The following NAALAD2 variants were observed in gnomAD, a reference collection of about 807,000 sequenced individuals.
NAALAD2 encodes N-acetylated alpha-linked acidic dipeptidase 2, also known as N-acetylated-alpha-linked acidic dipeptidase 2.
A neutral mutation model predicts 95.6 loss-of-function variants in NAALAD2; 89 were observed. The ratio of observed to expected loss-of-function variants is 0.93; its 90% CI spans 0.78 to 1.11. NAALAD2 has a LOEUF of 1.11. Among genes scored for constraint, NAALAD2 ranks in the 50% least tolerant of loss-of-function variants. The pLI is 0.00. For missense variants in NAALAD2, 894 were observed against 872.4 expected (o/e 1.02, Z -0.31); for synonymous variants, 264 against 294.4 (o/e 0.90, Z 1.06).
chr11:90,135,076 A>T (rs1329022854), intron 1 of NAALAD2: 4 of 513,150 alleles, frequency 7.8e-6, no homozygotes, highest in Non-Finnish European at 1.4e-5. Context: ...CACTGAGTTC[A>T]CTAAAGACAA....
intron 2 of NAALAD2, among the ~76,000 whole-genome samples, chr11:90,142,954 T>C (rs959166594): frequency 2.2e-4 from 34 of 152,182 alleles, no homozygotes; most frequent in African/African-American, 7.7e-4. Context: ...ACTGTGTCAC[T>C]TAATACAAAA....
chr11:90,183,111 ACACTCT>A, intron 18 of NAALAD2, 103 bp downstream of exon 18: 1 of 746,328 alleles, frequency 1.3e-6, no homozygotes, highest in African/African-American at 1.7e-5. Flanking sequence ...GCAAATATGT[ACACTCT>A]AGGGAATTTG....
At position 90,135,544 on chromosome 11, in the gene NAALAD2, ATT is replaced by A. The variant is rs748213571; in HGVS notation, c.83-8_83-7del. The A allele has an allele frequency of 6.3e-7, 1 of 1,574,892 alleles. No homozygotes were observed. Among genetic ancestry groups the A allele is most frequent in the South Asian group, 1.1e-5 (1 of 88,166 alleles). On this transcript the variant is annotated splice_polypyrimidine_tract_variant and intron_variant, in intron 1 of 18. Transcript: ENST00000534061. ...TGTGTGTATGTGTGCATGTTTGTGTATTTTTTTTCCTTAGGCTGGTTTATTAA... is the reference window on the plus strand; with the variant it reads ...TGTGTGTATGTGTGCATGTTTGTGTATTTTTTCCTTAGGCTGGTTTATTAA...
intron 18 of NAALAD2, among the ~76,000 whole-genome samples, chr11:90,190,698 TAA>T (rs1360417251): frequency 6.6e-6 from 1 of 152,144 alleles, no homozygotes; most frequent in African/African-American, 2.4e-5. Context: ...GAGGCCATAT[TAA>T]GATTTAAAAG....
chr11:90,189,769 CAAA>C (rs35142682), intron 18 of NAALAD2, among the ~76,000 whole-genome samples: 2 of 140,672 alleles, frequency 1.4e-5, no homozygotes, highest in African/African-American at 5.3e-5. Context: ...GACTCTATCT[CAAA>C]AAAAAAAAAG....
At chr11:90,133,891 A>T (rs1221602455), upstream of NAALAD2, among the ~76,000 whole-genome samples, 1 of 152,066 alleles carries the variant, frequency 6.6e-6, no homozygotes, top group Non-Finnish European at 1.5e-5. Flanking sequence ...AGATAAGGGA[A>T]CTTTAGAGAA....
chr11:90,135,825 A>G (rs371689632), intron 2 of NAALAD2, among the ~76,000 whole-genome samples, 155 bp downstream of exon 2: 1 of 150,566 alleles, frequency 6.6e-6, no homozygotes, highest in East Asian at 1.9e-4. Context: ...GTCTCTTTAC[A>G]CCAGTCTTGG....
upstream of NAALAD2, chr11:90,132,053 T>C (rs1716764608): frequency 6.6e-6 from 1 of 152,578 alleles, no homozygotes; most frequent in South Asian, 2.1e-4. Context: ...AGCAGCCTTC[T>C]GTTACAAACT....
intron 15 of NAALAD2, 97 bp from the exon 16 acceptor site, chr11:90,177,756 T>G: frequency 4.0e-6 from 5 of 1,255,986 alleles, no homozygotes; most frequent in Middle Eastern, 2.9e-4. Context: ...ACTGGCTGGT[T>G]GTTATTTTTT....
intron 15 of NAALAD2, among the ~76,000 whole-genome samples, chr11:90,177,408 AC>A (rs1358832034): frequency 6.6e-6 from 1 of 151,632 alleles, no homozygotes; most frequent in African/African-American, 2.4e-5. Context: ...TATCGAAGAT[AC>A]AAGGAGAAAA....
upstream of NAALAD2, chr11:90,134,587 G>A (rs1285699236): frequency 5.0e-6 from 3 of 597,222 alleles, no homozygotes; most frequent in Admixed American, 3.0e-5. Context: ...TTCCCCCATC[G>A]AGGGCCCCTG....
intron 18 of NAALAD2, among the ~76,000 whole-genome samples, chr11:90,187,661 A>C (rs1222385913): frequency 6.6e-6 from 1 of 152,208 alleles, no homozygotes; most frequent in Non-Finnish European, 1.5e-5. Context: ...ATCAGGTTAA[A>C]AATGATCTTG....
chr11:90,144,707 A>G (rs991603822), intron 2 of NAALAD2, among the ~76,000 whole-genome samples: 1 of 144,260 alleles, frequency 6.9e-6, no homozygotes, highest in African/African-American at 2.7e-5. Context: ...GTACCACTGC[A>G]CTCCAGCCTG....
chr11:90,144,354 G>A (rs557553528), intron 2 of NAALAD2, among the ~76,000 whole-genome samples: 5 of 152,222 alleles, frequency 3.3e-5, no homozygotes, highest in Non-Finnish European at 7.4e-5. Flanking sequence ...GAGTAAGAAG[G>A]CCTCCTAGCT....
chr11:90,168,640 ATC>A (rs1374520586), intron 11 of NAALAD2, among the ~76,000 whole-genome samples: 1 of 152,174 alleles, frequency 6.6e-6, no homozygotes, highest in East Asian at 1.9e-4. Flanking sequence ...GATGCAGGGA[ATC>A]AAGGAACCAC....
intron 5 of NAALAD2, 26 bp downstream of exon 5, chr11:90,150,633 G>A (rs1801242653): frequency 6.4e-7 from 1 of 1,553,694 alleles, no homozygotes; most frequent in South Asian, 1.2e-5. Context: ...TTTTTCTACA[G>A]AGAATGAGAG....
At chr11:90,183,410 T>TG (rs1857027581) in intron 18 of NAALAD2, among the ~76,000 whole-genome samples, 1 of 152,212 alleles carries the variant, frequency 6.6e-6, no homozygotes, top group Non-Finnish European at 1.5e-5. Context: ...TTTCACTTTA[T>TG]GAAAGGTCTA....
intron 16 of NAALAD2, among the ~76,000 whole-genome samples, chr11:90,180,055 A>G (rs1952914532): frequency 6.8e-6 from 1 of 146,926 alleles, no homozygotes; most frequent in African/African-American, 2.5e-5. Flanking sequence ...TGTAGGAATG[A>G]AGGTATAATT....
chr11:90,164,055 A>G (rs1319901858), intron 11 of NAALAD2: 2 of 223,954 alleles, frequency 8.9e-6, no homozygotes, highest in African/African-American at 4.5e-5. Flanking sequence ...TATATTGACT[A>G]TATTTTCACA....
Sources: gnomAD v4.1 joint callset for allele counts (sites outside exome capture counted in the v4.1 genomes callset) on GRCh38, gnomAD v4.1.1 for gene constraint, MANE v1.5 for transcripts, NCBI Gene and HGNC (gene_info 2026-07-23, HGNC 2026-07-21) for gene names.